Variants in MYO6 observed in about 807,000 individuals in gnomAD.
MYO6 encodes the protein unconventional myosin-VI.
MYO6 carries 74 observed loss-of-function variants against 178.7 expected under a neutral mutation model. The ratio of observed to expected loss-of-function variants is 0.41; its 90% CI spans 0.34 to 0.50. The LOEUF is 0.50. Ranked by LOEUF, MYO6 falls within the 20% of genes least tolerant of loss-of-function variation. The pLI is 0.09. For missense variants in MYO6, 1,330 were observed against 1,547.4 expected (o/e 0.86, Z 2.36); for synonymous variants, 477 against 504.6 (o/e 0.95, Z 0.73).
rs199728355 is a variant in MYO6, at chr6:75,914,858, G to T, written c.3704G>T (p.Gly1235Val). 18 of 1,614,014 alleles carry T rather than the reference G, an allele frequency of 1.1e-5. No individual in the cohort carries two copies. The Admixed American group carries it at 3.0e-4, about 27-fold the overall frequency. The change falls in exon 35 of 35, where the codon GGC becomes GTC. Residue 1235 changes from glycine to valine, a missense_variant. By Grantham distance (109) the Gly-to-Val change is moderately radical. Around this residue, in one of 3 missense-constraint regions of MYO6, gnomAD observed 601 missense variants for 626.1 expected, o/e 0.96. Transcript: ENST00000369977. ...TGTGAGCTGAATCTTGAGGAGACTG[G>T]CCTGACTCGGAAGCGTGGTGCTGAG... ...EMCELNLEETGLTRKRGAEIL... is the reference protein window; with the variant it reads ...EMCELNLEETVLTRKRGAEIL...
intron 1 of MYO6, among the ~76,000 whole-genome samples, chr6:75,765,755 C>T (rs115351776): frequency 1.3e-5 from 2 of 151,970 alleles, no homozygotes; most frequent in Admixed American, 6.6e-5. Flanking sequence ...AGGCTAGGCT[C>T]AGTGATTTAT....
intron 19 of MYO6, among the ~76,000 whole-genome samples, chr6:75,872,947 T>A (rs1777268580): frequency 6.6e-6 from 1 of 152,140 alleles, no homozygotes; most frequent in South Asian, 2.1e-4. Flanking sequence ...CTAATTTTTG[T>A]ATTTTTAGTA....
intron 27 of MYO6, among the ~76,000 whole-genome samples, 181 bp from the exon 28 acceptor site, chr6:75,892,349 T>A (rs1217051828): frequency 6.6e-6 from 1 of 152,186 alleles, no homozygotes; most frequent in Non-Finnish European, 1.5e-5. Flanking sequence ...TGGGGATGTG[T>A]TTGAAGCATT....
Position 75,918,739 on chromosome 6 carries a change from G to A in MYO6, c.*3727G>A, listed in dbSNP as rs1781265185. The stretch of plus-strand genomic sequence containing the variant: ...TAACCTAATATATGAAACAAGCTTA[G>A]CTGTCTCAGAAGTTTTTCAAGAGAT... On this transcript the variant is annotated 3_prime_UTR_variant, in exon 35 of 35. Coordinates refer to ENST00000369977, the MANE Select transcript of MYO6 (RefSeq NM_004999.4). 1 of 152,230 alleles carries A rather than the reference G, an allele frequency of 6.6e-6. No homozygotes were observed. The highest frequency in any genetic ancestry group is 6.5e-5 in the Admixed American group (1 of 15,272). 9.4% of individuals were successfully genotyped at this position (152,230 alleles called of 1,614,324 possible).
chr6:75,821,549 G>A (rs6934542), intron 2 of MYO6, among the ~76,000 whole-genome samples: 57,075 of 151,732 alleles, frequency 0.38, 11,376 homozygotes, highest in East Asian at 0.54. Flanking sequence ...TGGCATAACA[G>A]TTTTCTACAT....
At chr6:75,889,399 T>C (rs1778720614) in intron 25 of MYO6, among the ~76,000 whole-genome samples, 1 of 152,226 alleles carries the variant, frequency 6.6e-6, no homozygotes, top group Admixed American at 6.5e-5. Flanking sequence ...AATTAGCTGA[T>C]CATTACTTAA....
At position 75,837,156 on chromosome 6, in the gene MYO6, A is replaced by G. The variant is rs376740588; in HGVS notation, c.553+1200A>G. ...CTATGTACTCAGTAAGCATTTTTTAATAATAATGGTGGTAATAACATATAT... is the reference window on the plus strand; with the variant it reads ...CTATGTACTCAGTAAGCATTTTTTAGTAATAATGGTGGTAATAACATATAT... On this transcript the variant is annotated intron_variant, in intron 7 of 34. Transcript: ENST00000369977. Among the ~76,000 whole-genome samples the G allele has an allele frequency of 5.3e-4, 80 of 152,296 alleles. No individual in the cohort carries two copies. In the East Asian group the frequency reaches 0.014, roughly 27 times the overall value.
intron 1 of MYO6, among the ~76,000 whole-genome samples, chr6:75,799,841 G>T (rs1056938159): frequency 5.9e-5 from 9 of 152,124 alleles, no homozygotes; most frequent in Admixed American, 2.6e-4. Flanking sequence ...GCATAGCACT[G>T]CTTCTCTGAG....
Position 75,907,607 on chromosome 6 carries a change from G to T in MYO6, c.3179G>T (p.Gly1060Val), listed in dbSNP as rs868080982. 6.2e-7 allele frequency: 1 copy of T among 1,609,940 alleles called. No individual in the cohort carries two copies. ...GCAAAAATGTGTAATAATTACAGAGGTCCTGCTGTACTAGCCACCAAAGCA... is the reference window on the plus strand; with the variant it reads ...GCAAAAATGTGTAATAATTACAGAGTTCCTGCTGTACTAGCCACCAAAGCA... ...AKEMSEFLSRGPAVLATKAAA... is the reference protein window; with the variant it reads ...AKEMSEFLSRVPAVLATKAAA... The change falls in exon 31 of 35, where the codon GGT (glycine) becomes GTT (valine). Residue 1060 changes from glycine (G) to valine (V), a missense_variant and splice_region_variant. Gly to Val is a moderately radical substitution (Grantham distance 109). Around this residue, in one of 3 missense-constraint regions of MYO6, gnomAD observed 601 missense variants for 626.1 expected, o/e 0.96. Transcript: ENST00000369977.
At chr6:75,858,344 G>A (rs1775902733) in intron 13 of MYO6, among the ~76,000 whole-genome samples, 1 of 152,186 alleles carries the variant, frequency 6.6e-6, no homozygotes, top group Admixed American at 6.5e-5. Flanking sequence ...GGTGGCTCAT[G>A]CCTGTAATCC....
At chr6:75,768,177 G>A (rs79653107) in intron 1 of MYO6, 44 of 152,216 alleles carry the variant, frequency 2.9e-4, no homozygotes, top group African/African-American at 1.0e-3. Context: ...GTTTTTATGG[G>A]TGTATCTATT....
chr6:75,902,246 A>G (rs1779850420), intron 30 of MYO6, among the ~76,000 whole-genome samples: 1 of 152,178 alleles, frequency 6.6e-6, no homozygotes, highest in Admixed American at 6.5e-5. Context: ...TCATAAAATG[A>G]GTTAGGGAGG....
chr6:75,876,730 A>G (rs945423776), intron 20 of MYO6, among the ~76,000 whole-genome samples: 1 of 152,148 alleles, frequency 6.6e-6, no homozygotes. Context: ...GATAATACCA[A>G]TTCATTATAC....
chr6:75,797,590 G>C (rs1289456883), intron 1 of MYO6, among the ~76,000 whole-genome samples: 1 of 151,948 alleles, frequency 6.6e-6, no homozygotes, highest in Non-Finnish European at 1.5e-5. Context: ...TTGGAGTGCA[G>C]TGGCATGATC....
chr6:75,857,064 A>ATATAGCTATAGCATAT, intron 12 of MYO6, 33 bp from the exon 13 acceptor site: 6 of 1,611,016 alleles, frequency 3.7e-6, no homozygotes, highest in Non-Finnish European at 5.1e-6. Context: ...CACTATTATA[A>ATATAGCTATAGCATAT]AGAATTTTTA....
chr6:75,840,358 T>C (rs1165254842), intron 7 of MYO6, among the ~76,000 whole-genome samples: 1 of 152,066 alleles, frequency 6.6e-6, no homozygotes, highest in African/African-American at 2.4e-5. Context: ...AGACGGGGTT[T>C]CATCATCTTG....
chr6:75,754,412 T>TGG (rs796958100), intron 1 of MYO6, among the ~76,000 whole-genome samples: 21 of 146,066 alleles, frequency 1.4e-4, no homozygotes, highest in African/African-American at 5.0e-4. Context: ...CCCAGCTACT[T>TGG]GGGAGGCCAA....
chr6:75,853,514 G>A (rs1775461967), intron 11 of MYO6, among the ~76,000 whole-genome samples: 1 of 152,058 alleles, frequency 6.6e-6, no homozygotes, highest in Non-Finnish European at 1.5e-5. Context: ...TTTTGTTTAT[G>A]GTTGAGGAAG....
chr6:75,805,637 A>G (rs972079104), intron 1 of MYO6, among the ~76,000 whole-genome samples: 2 of 152,220 alleles, frequency 1.3e-5, no homozygotes, highest in Non-Finnish European at 2.9e-5. Flanking sequence ...GATTACTTCT[A>G]CACATTACTA....
Sources: allele counts gnomAD v4.1 joint callset (sites outside exome capture counted in the v4.1 genomes callset), GRCh38; gene constraint gnomAD v4.1.1; regional missense constraint gnomAD v4.1.1; transcripts MANE v1.5; gene names NCBI Gene and HGNC (gene_info 2026-07-23, HGNC 2026-07-21).